The following ZNF280D variants were observed in gnomAD, a reference collection of about 807,000 sequenced individuals.
The protein encoded by ZNF280D is zinc finger protein 280D, also known as suppressor of hairy wing homolog 4.
A neutral mutation model predicts 94.7 loss-of-function variants in ZNF280D; 39 were observed. That is an observed-to-expected ratio of 0.41 (90% CI 0.32 to 0.54). The LOEUF (loss-of-function observed/expected upper bound fraction) is 0.54, where lower values mean the gene tolerates loss of function less well. Among genes scored for constraint, ZNF280D ranks in the 20% least tolerant of loss-of-function variants. The pLI is 0.22. For synonymous variants in ZNF280D, 398 were observed against 377.6 expected, an observed-to-expected ratio of 1.05 and a Z score of -0.63; for missense variants, 1,090 against 1,149.3, an observed-to-expected ratio of 0.95 and a Z score of 0.75.
chr15:56,674,344 A>G (rs570532153), intron 13 of ZNF280D, among the ~76,000 whole-genome samples: 26 of 151,944 alleles, frequency 1.7e-4, no homozygotes, highest in Non-Finnish European at 2.4e-4. Flanking sequence ...TGATGAAGAT[A>G]CTTTTTTTTT....
intron 1 of ZNF280D, among the ~76,000 whole-genome samples, chr15:56,718,617 C>CGT (rs2058173752): frequency 6.6e-6 from 1 of 152,150 alleles, no homozygotes. Flanking sequence ...AAAATTTTCA[C>CGT]ACAGGGTACA....
At chr15:56,707,981 G>A (rs950008670) in intron 1 of ZNF280D, among the ~76,000 whole-genome samples, 5 of 151,782 alleles carry the variant, frequency 3.3e-5, no homozygotes, top group Non-Finnish European at 5.9e-5. Context: ...TATTCAAACT[G>A]GGAATCTGTT....
At chr15:56,695,718 C>T (rs899480154) in intron 6 of ZNF280D, among the ~76,000 whole-genome samples, 1 of 151,768 alleles carries the variant, frequency 6.6e-6, no homozygotes, top group African/African-American at 2.4e-5. Context: ...TTAATAGAGA[C>T]AGGGTTTTAC....
intron 10 of ZNF280D, among the ~76,000 whole-genome samples, chr15:56,679,761 T>C (rs1322346912): frequency 1.3e-5 from 2 of 152,202 alleles, no homozygotes; most frequent in Non-Finnish European, 2.9e-5. Flanking sequence ...TCAATCTAGA[T>C]AGCAATCATC....
rs989929202 is a variant in ZNF280D at position 56,682,272 on chromosome 15, A to G, written c.986T>C (p.Ile329Thr). 5 of 1,564,400 alleles carry G rather than the reference A, an allele frequency of 3.2e-6. No individual in the cohort carries two copies. The highest frequency in any genetic ancestry group is 4.3e-6 in the Non-Finnish European group (5 of 1,164,706). The change falls in exon 10 of 22, where the codon ATT (isoleucine) becomes ACT (threonine). Residue 329 changes from isoleucine (I) to threonine (T), a missense_variant. Ile to Thr is a moderately conservative substitution (Grantham distance 89). This residue lies in a region of ZNF280D where 127 missense variants were observed against 208.6 expected (regional missense o/e 0.61). Transcript: ENST00000267807. ...TACATACCTAATGTTATTTTTTAGA[A>G]TTTTCAAGCAACTGAAGCATTTAAA... Reference protein sequence around the residue: ...TTFKCFSCLKILKNNIRFMNH... With the variant: ...TTFKCFSCLKTLKNNIRFMNH...
chr15:56,687,621 T>A (rs1207574502), intron 9 of ZNF280D, among the ~76,000 whole-genome samples: 1 of 152,200 alleles, frequency 6.6e-6, no homozygotes, highest in Non-Finnish European at 1.5e-5. Flanking sequence ...TGTGACTGTA[T>A]TGCTACCTAC....
intron 1 of ZNF280D, among the ~76,000 whole-genome samples, chr15:56,729,326 GGCACTGTTAGGAAGAACA>G (rs1274822225): frequency 6.6e-6 from 1 of 152,136 alleles, no homozygotes; most frequent in African/African-American, 2.4e-5. Flanking sequence ...CTCCTTAGTT[GGCACTGTTAGGAAGAACA>G]GCATTGAACT....
intron 10 of ZNF280D, among the ~76,000 whole-genome samples, chr15:56,680,604 G>A (rs2055551805): frequency 6.7e-6 from 1 of 149,464 alleles, no homozygotes; most frequent in African/African-American, 2.6e-5. Context: ...AGCCCCACAA[G>A]TAGCTGGGAC....
At chr15:56,657,993 T>G (rs1034692138) in intron 17 of ZNF280D, among the ~76,000 whole-genome samples, 1 of 152,160 alleles carries the variant, frequency 6.6e-6, no homozygotes, top group African/African-American at 2.4e-5. Flanking sequence ...ATGATGTACC[T>G]TTACAATGGG....
At chr15:56,642,326 G>A (rs2052668748) in intron 20 of ZNF280D, among the ~76,000 whole-genome samples, 1 of 151,672 alleles carries the variant, frequency 6.6e-6, no homozygotes, top group South Asian at 2.1e-4. Flanking sequence ...TCAAGACAAA[G>A]TATTCAAAAG....
chr15:56,726,186 T>C (rs1357514623), intron 1 of ZNF280D, among the ~76,000 whole-genome samples: 2 of 149,828 alleles, frequency 1.3e-5, no homozygotes, highest in African/African-American at 2.4e-5. Context: ...CTGTATTCAT[T>C]AGAGATGTAT....
intron 1 of ZNF280D, chr15:56,733,168 G>A (rs771160973): frequency 6.5e-6 from 1 of 152,894 alleles, no homozygotes; most frequent in African/African-American, 2.4e-5. Context: ...CCTGGGAGAG[G>A]AGGTGGCGGA....
intron 12 of ZNF280D, among the ~76,000 whole-genome samples, chr15:56,677,276 T>C (rs1451440450): frequency 6.6e-6 from 1 of 152,198 alleles, no homozygotes; most frequent in African/African-American, 2.4e-5. Flanking sequence ...TTGGTAGGGT[T>C]CTTTGTATCT....
At chr15:56,636,645 G>A (rs1214137670) in intron 20 of ZNF280D, among the ~76,000 whole-genome samples, 2 of 151,718 alleles carry the variant, frequency 1.3e-5, no homozygotes, top group African/African-American at 2.4e-5. Context: ...CACCATGCCC[G>A]ACTAATTTTT....
At chr15:56,687,001 A>T (rs1388694636) in intron 9 of ZNF280D, among the ~76,000 whole-genome samples, 3 of 152,146 alleles carry the variant, frequency 2.0e-5, no homozygotes, top group Non-Finnish European at 4.4e-5. Context: ...TTGGCAAAAA[A>T]ATCATTCACA....
intron 1 of ZNF280D, among the ~76,000 whole-genome samples, chr15:56,710,662 A>T (rs182577708): frequency 0.012 from 1,685 of 138,366 alleles, 32 homozygotes; most frequent in African/African-American, 0.038. Context: ...TTTTTTCTAT[A>T]AAAAAAATTA....
intron 10 of ZNF280D, among the ~76,000 whole-genome samples, chr15:56,681,698 A>G (rs193123972): frequency 3.3e-5 from 5 of 152,276 alleles, no homozygotes; most frequent in African/African-American, 7.2e-5. Flanking sequence ...TAAAGCATTC[A>G]TATATTCCAC....
At chr15:56,650,880 G>A (rs895079113) in intron 19 of ZNF280D, among the ~76,000 whole-genome samples, 1 of 152,138 alleles carries the variant, frequency 6.6e-6, no homozygotes, top group Non-Finnish European at 1.5e-5. Flanking sequence ...CCTGTTTCAT[G>A]TCTTCACTCA....
At chr15:56,635,701 C>T (rs568331368) in intron 20 of ZNF280D, 1 of 152,180 alleles carries the variant, frequency 6.6e-6, no homozygotes, top group East Asian at 1.9e-4. Context: ...GTCATGGTAA[C>T]CCTTCCACTG....
Sources: allele counts gnomAD v4.1 joint callset (sites outside exome capture counted in the v4.1 genomes callset), GRCh38; gene constraint gnomAD v4.1.1; regional missense constraint gnomAD v4.1.1; transcripts MANE v1.5; gene names NCBI Gene and HGNC (gene_info 2026-07-23, HGNC 2026-07-21).